The following VPS35L variants were observed in gnomAD, a reference collection of about 807,000 sequenced individuals.
The protein encoded by VPS35L is VPS35 endosomal protein sorting factor like, also known as VPS35 endosomal protein-sorting factor-like.
VPS35L carries 83 observed loss-of-function variants against 133.0 expected under a neutral mutation model. That is an observed-to-expected ratio of 0.62 (90% CI 0.52 to 0.75). The LOEUF is 0.75. Among genes scored for constraint, VPS35L ranks in the 30% least tolerant of loss-of-function variants. The pLI is 0.00. For synonymous variants in VPS35L, 423 were observed against 449.9 expected (o/e 0.94, Z 0.76); for missense variants, 1,083 against 1,206.8 (o/e 0.90, Z 1.52).
intron 1 of VPS35L, among the ~76,000 whole-genome samples, chr16:19,561,438 A>G (rs764932871): frequency 3.2e-4 from 48 of 152,152 alleles, no homozygotes; most frequent in African/African-American, 5.3e-4. Flanking sequence ...CTCCTTTCCT[A>G]CACTTGAAGC....
At chr16:19,641,657 C>T (rs1015735484) in intron 21 of VPS35L, among the ~76,000 whole-genome samples, 1 of 151,872 alleles carries the variant, frequency 6.6e-6, no homozygotes, top group Non-Finnish European at 1.5e-5. Flanking sequence ...AATTTACTTA[C>T]CTAAAGATTT....
At chr16:19,668,911 C>T (rs988899882) in intron 26 of VPS35L, among the ~76,000 whole-genome samples, 1 of 152,164 alleles carries the variant, frequency 6.6e-6, no homozygotes, top group Non-Finnish European at 1.5e-5. Flanking sequence ...CAAAAATTTG[C>T]GACCTGCTTT....
intron 26 of VPS35L, among the ~76,000 whole-genome samples, chr16:19,654,890 GT>G (rs1317908251): frequency 1.1e-4 from 16 of 152,204 alleles, no homozygotes; most frequent in African/African-American, 3.6e-4. Flanking sequence ...GGATCTGAAT[GT>G]TGTGGATCTT....
Position 19,626,280 on chromosome 16 carries a change from T to G in VPS35L, c.1271+57T>G. On this transcript the variant is annotated intron_variant, in intron 15 of 30. Coordinates refer to ENST00000417362, the MANE Select transcript of VPS35L (RefSeq NM_020314.7). ...TTGAAAATGGCGTTGGCTGCTATTT[T>G]TGAGCTTGGCCTGCTTACCTGGGTA... is the stretch of plus-strand genomic sequence containing the variant. The G allele has an allele frequency of 3.0e-6, 4 of 1,352,730 alleles. No homozygotes were observed. The East Asian group carries it at 9.2e-5, about 31-fold the overall frequency. 83.8% of individuals were successfully genotyped at this position (1,352,730 alleles called of 1,614,324 possible).
chr16:19,614,413 C>T (rs1972821406), intron 12 of VPS35L, among the ~76,000 whole-genome samples: 1 of 152,120 alleles, frequency 6.6e-6, no homozygotes, highest in Admixed American at 6.6e-5. Flanking sequence ...AGAAATCTCT[C>T]CCCATTTGAA....
Position 19,633,263 on chromosome 16 carries a change from C to A in VPS35L, c.1635+91C>A. On this transcript the variant is annotated intron_variant, in intron 19 of 30. Transcript: ENST00000417362. This position sits in a 1 kb window ranked among gnomAD's most constrained non-coding sequence, Gnocchi z 4.1. Reference sequence around the variant, plus strand: ...TGTTGTATGGGTCAGGCTATAAAGGCACATAATCCTGTGTTTGAATCATAG... The same window carrying A: ...TGTTGTATGGGTCAGGCTATAAAGGAACATAATCCTGTGTTTGAATCATAG... The A allele has an allele frequency of 1.8e-6, 2 of 1,131,478 alleles. No homozygotes were observed. Among genetic ancestry groups the A allele is most frequent in the Non-Finnish European group, 2.7e-6 (2 of 749,164 alleles). 70.1% of individuals were successfully genotyped at this position (1,131,478 alleles called of 1,614,324 possible).
rs1056547340 is a variant in VPS35L, at chr16:19,610,313, C to T, written c.930-9C>T. ...GAATATAATGCTGGCCTGTTTTTGT[C>T]TCTTGCAGGGGAATTTCAGAGTGCC... is the stretch of plus-strand genomic sequence containing the variant. On this transcript the variant is annotated splice_polypyrimidine_tract_variant and intron_variant, in intron 11 of 30. Coordinates refer to ENST00000417362, the MANE Select transcript of VPS35L (RefSeq NM_020314.7). 1 of 1,612,878 alleles carries T rather than the reference C, an allele frequency of 6.2e-7. No individual in the cohort carries two copies. Among genetic ancestry groups the T allele is most frequent in the Non-Finnish European group, 8.5e-7 (1 of 1,179,206 alleles).
intron 13 of VPS35L, 129 bp downstream of exon 13, chr16:19,616,320 C>A: frequency 1.3e-6 from 1 of 755,188 alleles, no homozygotes; most frequent in South Asian, 1.8e-5. Flanking sequence ...TGGAAAATTA[C>A]ACTAGCTTCT....
chr16:19,564,147 C>T (rs1421054553), intron 1 of VPS35L, among the ~76,000 whole-genome samples: 1 of 152,086 alleles, frequency 6.6e-6, no homozygotes, highest in East Asian at 1.9e-4. Flanking sequence ...GGCATGATCT[C>T]AGCTTACTGC....
intron 6 of VPS35L, among the ~76,000 whole-genome samples, chr16:19,580,785 C>T (rs1363825484): frequency 6.6e-6 from 1 of 152,122 alleles, no homozygotes; most frequent in Admixed American, 6.5e-5. Flanking sequence ...ATTCCTGATC[C>T]CCCCATCACA....
At position 19,621,293 on chromosome 16, in the gene VPS35L, G is replaced by T. The variant is rs1597368919; in HGVS notation, c.1224+4485G>T. Among the ~76,000 whole-genome samples, 4 of 152,336 alleles carry T rather than the reference G, an allele frequency of 2.6e-5. No homozygotes were observed. In the South Asian group the frequency reaches 8.3e-4, roughly 32 times the overall value. On this transcript the variant is annotated intron_variant, in intron 14 of 30. Coordinates refer to ENST00000417362, the MANE Select transcript of VPS35L (RefSeq NM_020314.7). The stretch of plus-strand genomic sequence containing the variant: ...CAAAGTCCTAGACAAACACCAAAGT[G>T]TTGACAGTGGTGATTTCTAGGACAT...
chr16:19,579,266 C>A (rs1462837963), intron 6 of VPS35L, 138 bp downstream of exon 6: 4 of 757,312 alleles, frequency 5.3e-6, no homozygotes, highest in Non-Finnish European at 8.5e-6. Flanking sequence ...GCAATGACTC[C>A]ATCCAGGGAA....
intron 26 of VPS35L, among the ~76,000 whole-genome samples, chr16:19,657,487 C>T (rs965242433): frequency 6.6e-6 from 1 of 152,168 alleles, no homozygotes; most frequent in Non-Finnish European, 1.5e-5. Flanking sequence ...ATCCGCTCAC[C>T]TGTGCTTTTT....
chr16:19,633,858 C>G lies in VPS35L; in HGVS notation c.1635+686C>G, dbSNP rs1473483367. Among the ~76,000 whole-genome samples the G allele has an allele frequency of 6.6e-6, 1 of 152,090 alleles. No individual in the cohort carries two copies. Among genetic ancestry groups the G allele is most frequent in the Non-Finnish European group, 1.5e-5 (1 of 68,036 alleles). On this transcript the variant is annotated intron_variant, in intron 19 of 30. Coordinates refer to ENST00000417362, the MANE Select transcript of VPS35L (RefSeq NM_020314.7). This position sits in a 1 kb window ranked among gnomAD's most constrained non-coding sequence, Gnocchi z 4.1. ...TCTTCTGTCTCAGCCTTCCGAGTAG[C>G]TGGGACTACAGGGGCGTGCCACCAC...
chr16:19,584,164 T>G (rs755716036), intron 7 of VPS35L, among the ~76,000 whole-genome samples: 1 of 152,230 alleles, frequency 6.6e-6, no homozygotes, highest in Non-Finnish European at 1.5e-5. Flanking sequence ...GCAGTAAACA[T>G]GGTACTGCTG....
chr16:19,660,482 T>C lies in VPS35L; in HGVS notation c.2221+8392T>C, dbSNP rs548174472. 4.6e-5 allele frequency among the ~76,000 whole-genome samples: 7 copies of C among 152,306 alleles called. No individual in the cohort carries two copies. In the South Asian group the frequency reaches 1.0e-3, roughly 23 times the overall value. On this transcript the variant is annotated intron_variant, in intron 26 of 30. Coordinates refer to ENST00000417362, the MANE Select transcript of VPS35L (RefSeq NM_020314.7). ...AGATCTAGGAGTGAAATGAATTAAC[T>C]TTGAGGTTTTGTTCAGCCTCAGGAG...
intron 27 of VPS35L, among the ~76,000 whole-genome samples, chr16:19,681,184 C>T (rs1975263266): frequency 6.6e-6 from 1 of 152,202 alleles, no homozygotes; most frequent in African/African-American, 2.4e-5. Context: ...CCTCTGGGGA[C>T]TGCCTCACCT....
In VPS35L at chr16:19,569,437, A is replaced by C. The variant is rs747715306; in HGVS notation, c.131A>C (p.Lys44Thr). ...PLKPITVTESKTKKVNRKGST... is the reference protein window; with the variant it reads ...PLKPITVTESTTKKVNRKGST... The stretch of plus-strand genomic sequence containing the variant: ...TTTTCCTCACAGGTCACAGAGTCAA[A>C]GACAAAGAAAGTGAACCGGAAAGGA... Residue 44 changes from lysine to threonine, a missense_variant, in exon 3 of 31, where the codon AAG becomes ACG. Coordinates refer to ENST00000417362, the MANE Select transcript of VPS35L (RefSeq NM_020314.7). 1.3e-5 allele frequency: 20 copies of C among 1,595,774 alleles called. 1 individual carries two copies. In the South Asian group the frequency reaches 2.3e-4, roughly 18 times the overall value.
At chr16:19,610,617 A>G (rs1045745047) in intron 12 of VPS35L, 4 of 416,388 alleles carry the variant, frequency 9.6e-6, no homozygotes, top group African/African-American at 2.0e-5. Context: ...AGACCAACTT[A>G]CTGTAGCTCT....
Sources: gnomAD v4.1 joint callset for allele counts (sites outside exome capture counted in the v4.1 genomes callset) on GRCh38, gnomAD v4.1.1 for gene constraint, Gnocchi (gnomAD v3.1) non-coding constraint, MANE v1.5 for transcripts, NCBI Gene and HGNC (gene_info 2026-07-23, HGNC 2026-07-21) for gene names.